Variants in QSOX2 observed in about 807,000 individuals in gnomAD.
The protein encoded by QSOX2 is quiescin sulfhydryl oxidase 2, also known as sulfhydryl oxidase 2.
In QSOX2, 46 loss-of-function variants were observed where a neutral mutation model predicts 61.7. The ratio of observed to expected loss-of-function variants is 0.75; its 90% CI spans 0.59 to 0.95. QSOX2 has a LOEUF of 0.95. QSOX2 is among the 40% of genes least tolerant of loss of function. QSOX2 has a pLI of 0.00. For synonymous variants in QSOX2, 383 were observed against 388.4 expected, an observed-to-expected ratio of 0.99 and a Z score of 0.16; for missense variants, 879 against 918.9, an observed-to-expected ratio of 0.96 and a Z score of 0.56.
chr9:136,245,482 C>T lies in QSOX2; in HGVS notation c.322G>A (p.Val108Met). The change falls in exon 1 of 12, where the codon GTG becomes ATG. Residue 108 changes from valine (V) to methionine (M), a missense_variant. By Grantham distance (21) the Val-to-Met change is conservative. Transcript: ENST00000358701. ...GCGCGGGGGCGCGCCTCACCTCGCA[C>T]ATCCCCAGCCAGGGCCCGCCAAGTG... ...APTWRALAGDVRDWASAIRVA... is the reference protein window; with the variant it reads ...APTWRALAGDMRDWASAIRVA... 1 of 1,591,048 alleles carries T rather than the reference C, an allele frequency of 6.3e-7. No homozygotes were observed. Among genetic ancestry groups the T allele is most frequent in the Non-Finnish European group, 8.5e-7 (1 of 1,176,286 alleles).
intron 1 of QSOX2, among the ~76,000 whole-genome samples, chr9:136,234,889 C>T (rs751462107): frequency 9.8e-6 from 1 of 101,976 alleles, no homozygotes; most frequent in African/African-American, 3.4e-5. Context: ...CGACCACAGG[C>T]GAGTCTTGCT....
At position 136,208,181 on chromosome 9, in the gene QSOX2, G is replaced by T. The variant is rs1177469601; in HGVS notation, c.*547C>A. The T allele has an allele frequency of 6.7e-6, 1 of 149,786 alleles. No homozygotes were observed. The highest frequency in any genetic ancestry group is 6.7e-5 in the Admixed American group (1 of 15,006). 9.3% of individuals were successfully genotyped at this position (149,786 alleles called of 1,614,324 possible). A position where few individuals can be genotyped will look rare whatever the true frequency, so the allele number is the denominator to read the frequency against. On this transcript the variant is annotated 3_prime_UTR_variant, in exon 12 of 12. Transcript: ENST00000358701. ...GGAGCACTTGCTTGGAGGGGCTGCA[G>T]AGGCCGACTGCGCTTCCGGCTCTGT...
At chr9:136,236,674 C>T (rs1017786591) in intron 1 of QSOX2, among the ~76,000 whole-genome samples, 2 of 152,238 alleles carry the variant, frequency 1.3e-5, no homozygotes, top group Non-Finnish European at 2.9e-5. Context: ...GAAGCCCGTC[C>T]TGTGCCAGCG....
At chr9:136,220,825 C>T (rs1250441605) in intron 6 of QSOX2, among the ~76,000 whole-genome samples, 1 of 152,180 alleles carries the variant, frequency 6.6e-6, no homozygotes, top group Non-Finnish European at 1.5e-5. Flanking sequence ...ATCCTCCCAC[C>T]TCAGCCTCCT....
intron 9 of QSOX2, 123 bp downstream of exon 9, chr9:136,216,477 C>T: frequency 7.5e-7 from 1 of 1,334,072 alleles, no homozygotes; most frequent in Non-Finnish European, 1.0e-6. Flanking sequence ...GACAGTAAGT[C>T]ACTGCTCCCC....
intron 10 of QSOX2, among the ~76,000 whole-genome samples, chr9:136,213,570 C>T (rs1831874424): frequency 6.6e-6 from 1 of 151,544 alleles, no homozygotes; most frequent in African/African-American, 2.4e-5. Flanking sequence ...CCCTCTCCCC[C>T]AACCAGACCC....
intron 11 of QSOX2, chr9:136,210,197 G>A: frequency 1.0e-6 from 1 of 985,498 alleles, no homozygotes; most frequent in Non-Finnish European, 1.2e-6. Context: ...ATGTAGGACT[G>A]TCAAATAAGG....
chr9:136,243,659 C>A (rs1423589629), intron 1 of QSOX2, among the ~76,000 whole-genome samples: 1 of 152,264 alleles, frequency 6.6e-6, no homozygotes, highest in East Asian at 1.9e-4. Context: ...CTGGCCATGG[C>A]CACTACACTT....
At position 136,223,258 on chromosome 9, in the gene QSOX2, G is replaced by C. The variant is rs1397634798; in HGVS notation, c.675+505C>G. ...TGTCAGCAATAATGACTCTCCGTGA[G>C]CTGCCCCTGCACCTGGTCCCTGGAC... On this transcript the variant is annotated intron_variant, in intron 5 of 11. Coordinates refer to ENST00000358701, the MANE Select transcript of QSOX2 (RefSeq NM_181701.4). The surrounding 1 kb of genome is among the most constrained non-coding windows in gnomAD (Gnocchi z 4.4). 6.6e-6 allele frequency among the ~76,000 whole-genome samples: 1 copy of C among 152,202 alleles called. No individual in the cohort carries two copies. The highest frequency in any genetic ancestry group is 1.9e-4 in the East Asian group (1 of 5,194).
intron 11 of QSOX2, chr9:136,210,008 T>G: frequency 3.0e-6 from 3 of 985,398 alleles, no homozygotes; most frequent in Non-Finnish European, 3.6e-6. Context: ...CAGAAGTGAA[T>G]GTAAACACAA....
chr9:136,219,159 T>A lies in QSOX2; in HGVS notation c.827A>T (p.Lys276Met). Residue 276 changes from lysine to methionine, a missense_variant, in exon 7 of 12, where the codon AAG becomes ATG. Transcript: ENST00000358701. ...NGSHGLINVV[K>M]PLRAFFSSYL... is the part of the protein sequence containing the mutation. ...AGACGAAAAGAAGGCCCGCAGAGGC[T>A]TCACGCTGTGAGAGAGGGGAGGGCA... 1 of 1,613,476 alleles carries A rather than the reference T, an allele frequency of 6.2e-7. No individual in the cohort carries two copies. Among genetic ancestry groups the A allele is most frequent in the Non-Finnish European group, 8.5e-7 (1 of 1,179,790 alleles).
In QSOX2 at chr9:136,209,856, A is replaced by G. The variant is rs549348098; in HGVS notation, c.1550-581T>C. ...ACTACAAATCCCTTCAAGATCTCCA[A>G]AACTCGTTTCTGAAGTGACATGTGC... is the stretch of plus-strand genomic sequence containing the variant. On this transcript the variant is annotated intron_variant, in intron 11 of 11. Transcript: ENST00000358701. The surrounding 1 kb of genome is among the most constrained non-coding windows in gnomAD (Gnocchi z 5.6). 1.2e-5 allele frequency: 12 copies of G among 985,346 alleles called. No homozygotes were observed. In the South Asian group the frequency reaches 5.2e-4, roughly 42 times the overall value. The allele number at this position is 985,346 out of a possible 1,614,324, so 61.0% of individuals were successfully genotyped here.
At position 136,228,771 on chromosome 9, in the gene QSOX2, G is replaced by A. The variant is rs183649105; in HGVS notation, c.329-1897C>T. On this transcript the variant is annotated intron_variant, in intron 1 of 11. Coordinates refer to ENST00000358701, the MANE Select transcript of QSOX2 (RefSeq NM_181701.4). ...ACCGGAAGCCCAGTGATTTCTGAAC[G>A]GGAGGGAACGTTATGTCTGCCTGTC... Among the ~76,000 whole-genome samples the A allele has an allele frequency of 4.2e-3, 641 of 152,356 alleles. 6 individuals carry two copies. Among genetic ancestry groups the A allele is most frequent in the Middle Eastern group, 0.024 (7 of 294 alleles).
intron 1 of QSOX2, among the ~76,000 whole-genome samples, chr9:136,227,181 A>G (rs1830290197): frequency 6.6e-6 from 1 of 152,228 alleles, no homozygotes. Context: ...GATGGATGAA[A>G]GCGCTGGTAA....
chr9:136,213,947 G>C (rs961296548), intron 10 of QSOX2, among the ~76,000 whole-genome samples: 1 of 143,088 alleles, frequency 7.0e-6, no homozygotes, highest in African/African-American at 2.6e-5. Flanking sequence ...CCAAACTGCT[G>C]ATCCACAGCA....
rs1391293556 is a variant in QSOX2, at chr9:136,208,055, CCT to C, written c.*671_*672del. The C allele has an allele frequency of 3.3e-5, 5 of 152,274 alleles. No individual in the cohort carries two copies. Among genetic ancestry groups the C allele is most frequent in the East Asian group, 3.8e-4 (2 of 5,308 alleles). 9.4% of individuals were successfully genotyped at this position (152,274 alleles called of 1,614,324 possible). On this transcript the variant is annotated 3_prime_UTR_variant, in exon 12 of 12. Coordinates refer to ENST00000358701, the MANE Select transcript of QSOX2 (RefSeq NM_181701.4). ...AGCCACAGAATTCCTTGGCTCCTCC[CCT>C]GTTGAAATCCCCACGTCTGGTGTCG...
rs56227549 is a variant in QSOX2 at position 136,242,369 on chromosome 9, C to T, written c.328+3107G>A. Among the ~76,000 whole-genome samples the T allele has an allele frequency of 9.0e-3, 1,367 of 152,362 alleles. 16 individuals are homozygous for T. The highest frequency in any genetic ancestry group is 0.031 in the African/African-American group (1,290 of 41,588). ...CTCCAGCAGCCACAGGCATGAAGAA[C>T]GCAGGGCGTGGCGGGCGCTGGCCAG... On this transcript the variant is annotated intron_variant, in intron 1 of 11. Coordinates refer to ENST00000358701, the MANE Select transcript of QSOX2 (RefSeq NM_181701.4).
rs1830394868 is a variant in QSOX2, at chr9:136,237,392, GTCACCTGGAGCCTGTCCTGGGCCTGCA to G, written c.328+8057_328+8083del. On this transcript the variant is annotated intron_variant, in intron 1 of 11. Coordinates refer to ENST00000358701, the MANE Select transcript of QSOX2 (RefSeq NM_181701.4). ...CACCTGGAGCCCATCCTGGGCTGGC[GTCACCTGGAGCCTGTCCTGGGCCTGCA>G]TCACCTGGAGCCCGTCCTGTGCCAC... is the stretch of plus-strand genomic sequence containing the variant. 5.3e-5 allele frequency among the ~76,000 whole-genome samples: 7 copies of G among 132,118 alleles called. No individual in the cohort carries two copies. The Admixed American group carries it at 5.4e-4, about 10-fold the overall frequency. 86.7% of individuals were successfully genotyped at this position (132,118 alleles called of 152,430 possible). A position where few individuals can be genotyped will look rare whatever the true frequency, so the allele number is the denominator to read the frequency against.
intron 11 of QSOX2, chr9:136,210,567 C>G: frequency 1.0e-6 from 1 of 985,478 alleles, no homozygotes; most frequent in Non-Finnish European, 1.2e-6. Context: ...ACAAACCCCG[C>G]AGACACACAG....
Sources: allele counts gnomAD v4.1 joint callset (sites outside exome capture counted in the v4.1 genomes callset), GRCh38; gene constraint gnomAD v4.1.1; non-coding constraint Gnocchi (gnomAD v3.1); transcripts MANE v1.5; gene names NCBI Gene and HGNC (gene_info 2026-07-23, HGNC 2026-07-21).